The following GPHN variants were observed in gnomAD, a reference collection of about 807,000 sequenced individuals.
GPHN encodes the protein gephyrin.
A neutral mutation model predicts 95.5 loss-of-function variants in GPHN; 17 were observed. That is an observed-to-expected ratio of 0.18 (90% CI 0.12 to 0.27). The LOEUF is 0.27. Among genes scored for constraint, GPHN ranks in the 10% least tolerant of loss-of-function variants. GPHN has a pLI of 1.00. For missense variants in GPHN, 660 were observed against 978.1 expected (o/e 0.67, Z 4.34); for synonymous variants, 320 against 322.5 (o/e 0.99, Z 0.08).
At chr14:66,836,173 C>T (rs1596078025) in intron 4 of GPHN, among the ~76,000 whole-genome samples, 1 of 131,184 alleles carries the variant, frequency 7.6e-6, no homozygotes, top group African/African-American at 3.8e-5. Context: ...GGAGGCATCA[C>T]ACTACCTGAC....
At chr14:67,200,396 G>A in the GPHN span, 1 of 581,516 alleles carries the variant, frequency 1.7e-6, no homozygotes, top group Non-Finnish European at 3.0e-6. Context: ...AATCAGAGAT[G>A]CTGTAGCTCC....
chr14:66,582,102 G>T (rs543069123), intron 1 of GPHN, among the ~76,000 whole-genome samples: 161 of 152,072 alleles, frequency 1.1e-3, no homozygotes, highest in Non-Finnish European at 1.9e-3. Context: ...GAGCATTTTG[G>T]AAACTTCCCC....
At chr14:67,716,912 A>G in the GPHN span, among the ~76,000 whole-genome samples, 2 of 152,044 alleles carry the variant, frequency 1.3e-5, no homozygotes, top group Admixed American at 6.5e-5. Flanking sequence ...TTTAAAATAA[A>G]TATCCATATA....
chr14:66,929,698 G>A (rs149638477), intron 8 of GPHN, among the ~76,000 whole-genome samples: 29 of 149,974 alleles, frequency 1.9e-4, no homozygotes, highest in Non-Finnish European at 3.6e-4. Context: ...CTCAGTCTGT[G>A]TGTGCTTTTT....
chr14:67,429,031 C>A, the GPHN span, among the ~76,000 whole-genome samples: 1 of 152,164 alleles, frequency 6.6e-6, no homozygotes, highest in African/African-American at 2.4e-5. Context: ...TGTGAAGGCT[C>A]AAGACCCGTA....
the GPHN span, among the ~76,000 whole-genome samples, chr14:67,606,789 G>A: frequency 6.6e-6 from 1 of 152,148 alleles, no homozygotes; most frequent in African/African-American, 2.4e-5. Flanking sequence ...TGGGACTACA[G>A]GCACGTGCCA....
Position 66,889,471 on chromosome 14 carries a change from C to T in GPHN, c.389+9438C>T, listed in dbSNP as rs555484096. On this transcript the variant is annotated intron_variant, in intron 5 of 22. Transcript: ENST00000478722. ...TCGAAATCAGTGACAGAAGGAAAAC[C>T]GGAAAATTTACAAATATGTGAAAAT... 2.5e-3 allele frequency among the ~76,000 whole-genome samples: 373 copies of T among 152,028 alleles called. 1 individual carries two copies. The highest frequency in any genetic ancestry group is 8.3e-3 in the African/African-American group (344 of 41,476).
intron 8 of GPHN, among the ~76,000 whole-genome samples, chr14:66,961,935 T>C (rs2068960282): frequency 1.2e-5 from 1 of 82,316 alleles, no homozygotes; most frequent in African/African-American, 1.0e-4. Flanking sequence ...TATATATATA[T>C]ATATATATAT....
the GPHN span, chr14:67,586,362 C>T: frequency 1.4e-6 from 2 of 1,415,712 alleles, no homozygotes; most frequent in African/African-American, 2.8e-5. Flanking sequence ...TTTTTATTCT[C>T]TCAAGCCCCA....
intron 12 of GPHN, among the ~76,000 whole-genome samples, chr14:67,090,060 C>T (rs1161577647): frequency 1.3e-5 from 2 of 152,048 alleles, no homozygotes; most frequent in African/African-American, 4.8e-5. Context: ...AATCTACTCT[C>T]TTAGTGATTT....
the GPHN span, among the ~76,000 whole-genome samples, chr14:67,411,278 C>G: frequency 2.0e-5 from 3 of 152,126 alleles, no homozygotes; most frequent in African/African-American, 7.2e-5. Flanking sequence ...CCTGGGCCAC[C>G]TGGGGTGGTG....
At chr14:66,739,996 A>G (rs2153439349) in intron 2 of GPHN, among the ~76,000 whole-genome samples, 1 of 152,330 alleles carries the variant, frequency 6.6e-6, no homozygotes, top group African/African-American at 2.4e-5. Flanking sequence ...CATGGAGTAT[A>G]ACAGCAGAAC....
the GPHN span, among the ~76,000 whole-genome samples, chr14:67,607,645 G>A: frequency 2.6e-5 from 4 of 152,172 alleles, no homozygotes; most frequent in African/African-American, 9.7e-5. Context: ...GATTACAGGC[G>A]TGAGCCACCA....
chr14:67,604,771 A>G, the GPHN span, among the ~76,000 whole-genome samples: 13 of 152,182 alleles, frequency 8.5e-5, no homozygotes, highest in African/African-American at 3.1e-4. Flanking sequence ...TAATTATTTT[A>G]CCTTTCATAT....
At chr14:66,526,210 A>G (rs147716643) in intron 1 of GPHN, among the ~76,000 whole-genome samples, 8,309 of 152,138 alleles carry the variant, frequency 0.055, 316 homozygotes, top group Middle Eastern at 0.099. Context: ...CATCCGTTGT[A>G]AGTTGTATTC....
intron 14 of GPHN, 44 bp from the exon 15 acceptor site, chr14:67,111,817 C>G: frequency 1.4e-6 from 2 of 1,464,670 alleles, no homozygotes; most frequent in Non-Finnish European, 1.9e-6. Context: ...AATTCTACTG[C>G]TCAGAAATTC....
chr14:67,333,079 G>A, the GPHN span: 1 of 808,616 alleles, frequency 1.2e-6, no homozygotes. Flanking sequence ...CTGTAGATCT[G>A]TTCTTAGATC....
At chr14:66,860,327 A>G (rs939818082) in intron 4 of GPHN, among the ~76,000 whole-genome samples, 3 of 152,162 alleles carry the variant, frequency 2.0e-5, no homozygotes, top group Non-Finnish European at 4.4e-5. Context: ...TGACATATTT[A>G]AAGTGCTGAA....
intron 1 of GPHN, among the ~76,000 whole-genome samples, chr14:66,668,166 G>A (rs766563489): frequency 1.4e-4 from 21 of 152,146 alleles, no homozygotes; most frequent in Admixed American, 3.3e-4. Flanking sequence ...TAAAAGGAAG[G>A]CTTATACACT....
Sources: allele counts gnomAD v4.1 joint callset (sites outside exome capture counted in the v4.1 genomes callset), GRCh38; gene constraint gnomAD v4.1.1; transcripts MANE v1.5; gene names NCBI Gene and HGNC (gene_info 2026-07-23, HGNC 2026-07-21).